The following ELF1 variants were observed in gnomAD, a reference collection of about 807,000 sequenced individuals.
The protein encoded by ELF1 is ETS-related transcription factor Elf-1.
ELF1 carries 24 observed loss-of-function variants against 59.9 expected under a neutral mutation model. The ratio of observed to expected loss-of-function variants is 0.40; its 90% CI spans 0.29 to 0.56. ELF1 has a LOEUF of 0.56. Among genes scored for constraint, ELF1 ranks in the 20% least tolerant of loss-of-function variants. The probability of loss-of-function intolerance (pLI) is 0.44; values close to 1 mark genes in which losing one functional copy is unlikely to be tolerated. For synonymous variants in ELF1, 248 were observed against 266.2 expected, an observed-to-expected ratio of 0.93 and a Z score of 0.67; for missense variants, 627 against 742.2, an observed-to-expected ratio of 0.84 and a Z score of 1.80.
At position 40,941,279 on chromosome 13, in the gene ELF1, T is replaced by C. The variant is rs2138127757; in HGVS notation, c.898A>G (p.Asn300Asp). The change falls in exon 8 of 9, where the codon AAT becomes GAT. Residue 300 changes from asparagine (N) to aspartate (D), a missense_variant. Physicochemically the swap from Asn to Asp is conservative, Grantham distance 23. Coordinates refer to ENST00000239882, the MANE Select transcript of ELF1 (RefSeq NM_172373.4). ...KEMPKDLIYI[N>D]DEDPSSSIES... ...ATGCTGGAACTTGGATCCTCATCAT[T>C]TATATATATAAGATCTTTTGGCATT... The C allele has an allele frequency of 6.2e-7, 1 of 1,614,136 alleles. No individual in the cohort carries two copies. Among genetic ancestry groups the C allele is most frequent in the African/African-American group, 1.3e-5 (1 of 75,042 alleles).
rs192910285 is a variant in ELF1, at chr13:40,971,426, T to C, written c.72+10557A>G. Reference sequence around the variant, plus strand: ...GCAGGCACCACAACACCCAGCTATTTTTTTAATAGAAACGGGGTCTCCCTA... The same window carrying C: ...GCAGGCACCACAACACCCAGCTATTCTTTTAATAGAAACGGGGTCTCCCTA... On this transcript the variant is annotated intron_variant, in intron 2 of 8. Coordinates refer to ENST00000239882, the MANE Select transcript of ELF1 (RefSeq NM_172373.4). 5.7e-3 allele frequency among the ~76,000 whole-genome samples: 864 copies of C among 152,244 alleles called. 8 individuals are homozygous for C. Among genetic ancestry groups the C allele is most frequent in the South Asian group, 0.013 (64 of 4,818 alleles).
Position 40,954,454 on chromosome 13 carries a change from G to A in ELF1, c.254-3018C>T, listed in dbSNP as rs1566169974. Among the ~76,000 whole-genome samples, 3 of 134,442 alleles carry A rather than the reference G, an allele frequency of 2.2e-5. No individual in the cohort carries two copies. The South Asian group carries it at 7.4e-4, about 33-fold the overall frequency. The allele number at this position is 134,442 out of a possible 152,430, so 88.2% of individuals were successfully genotyped here. On this transcript the variant is annotated intron_variant, in intron 3 of 8. Transcript: ENST00000239882. ...CTCCCCACGGTCTCCCTCTCCCCAC[G>A]GTCTCCCTCTCCCTCTCTTTCCACG...
At chr13:41,037,127 A>T (rs1403422502) in intron 1 of ELF1, among the ~76,000 whole-genome samples, 1 of 151,810 alleles carries the variant, frequency 6.6e-6, no homozygotes, top group Non-Finnish European at 1.5e-5. Context: ...ATATTAAAAA[A>T]AACCTTAAAA....
intron 1 of ELF1, among the ~76,000 whole-genome samples, chr13:41,004,036 A>G (rs1430532507): frequency 6.6e-6 from 1 of 152,142 alleles, no homozygotes; most frequent in East Asian, 1.9e-4. Flanking sequence ...AAGAAAATAA[A>G]TATCAGGCAT....
chr13:40,980,680 T>A (rs1003688965), intron 2 of ELF1, among the ~76,000 whole-genome samples: 10 of 152,174 alleles, frequency 6.6e-5, no homozygotes, highest in African/African-American at 2.2e-4. Flanking sequence ...CCTCACCACA[T>A]CAAGCCTAGC....
intron 2 of ELF1, among the ~76,000 whole-genome samples, chr13:40,974,566 G>C (rs1872787746): frequency 6.6e-6 from 1 of 152,064 alleles, no homozygotes; most frequent in Non-Finnish European, 1.5e-5. Context: ...ACAGTGCATG[G>C]GGCAAGATGC....
chr13:41,039,184 G>A (rs1663129163), intron 1 of ELF1, among the ~76,000 whole-genome samples: 2 of 151,822 alleles, frequency 1.3e-5, no homozygotes, highest in South Asian at 4.2e-4. Context: ...TGGATCGCTT[G>A]AGCCCAAGAG....
chr13:40,990,818 C>T (rs1159304555), intron 1 of ELF1, among the ~76,000 whole-genome samples: 1 of 143,696 alleles, frequency 7.0e-6, no homozygotes, highest in African/African-American at 2.6e-5. Flanking sequence ...CACCACTGCA[C>T]TCCAGCCTGG....
intron 1 of ELF1, among the ~76,000 whole-genome samples, chr13:41,045,913 GAGTCTA>G (rs1483529200): frequency 2.0e-5 from 3 of 152,116 alleles, no homozygotes; most frequent in Admixed American, 2.0e-4. Flanking sequence ...TATTGTGTGG[GAGTCTA>G]AGTCTCTCTA....
chr13:40,935,642 T>G (rs1451434888), intron 8 of ELF1, among the ~76,000 whole-genome samples: 2 of 151,392 alleles, frequency 1.3e-5, no homozygotes, highest in Non-Finnish European at 2.9e-5. Context: ...GATGGGAGCC[T>G]GGGTACAGTA....
Position 40,949,966 on chromosome 13 carries a change from A to G in ELF1, c.369T>C (p.Asn123=), listed in dbSNP as rs1269192578. The change falls in exon 5 of 9, where the codon AAT becomes AAC. Residue 123 remains asparagine, a synonymous_variant. Coordinates refer to ENST00000239882, the MANE Select transcript of ELF1 (RefSeq NM_172373.4). ...PMLDEKRINN[N]IFSSPEDDMV... ...TGTCATCTTCAGGTGAACTAAATAT[A>G]TTATTATCTAATGAAAATAAAATCA... 1.2e-6 allele frequency: 2 copies of G among 1,607,032 alleles called. No individual in the cohort carries two copies. The highest frequency in any genetic ancestry group is 1.1e-5 in the South Asian group (1 of 89,216).
chr13:41,017,740 C>A (rs1188796464), intron 1 of ELF1, among the ~76,000 whole-genome samples: 1 of 151,702 alleles, frequency 6.6e-6, no homozygotes, highest in Admixed American at 6.6e-5. Flanking sequence ...TTAATTATGC[C>A]GCTTATTTGT....
At chr13:40,978,303 G>C (rs758599802) in intron 2 of ELF1, among the ~76,000 whole-genome samples, 5 of 151,842 alleles carry the variant, frequency 3.3e-5, no homozygotes, top group Non-Finnish European at 5.9e-5. Context: ...GCTTGAACCT[G>C]GGAGGTGGAG....
intron 5 of ELF1, among the ~76,000 whole-genome samples, chr13:40,945,890 C>A (rs1213008244): frequency 6.6e-6 from 1 of 152,178 alleles, no homozygotes; most frequent in Non-Finnish European, 1.5e-5. Flanking sequence ...GTCGCTCAGG[C>A]TGGAATGCAA....
At chr13:40,938,725 A>C (rs1869945373) in intron 8 of ELF1, among the ~76,000 whole-genome samples, 2 of 152,052 alleles carry the variant, frequency 1.3e-5, no homozygotes, top group South Asian at 4.1e-4. Flanking sequence ...AATTTATCTA[A>C]TTATATATAT....
chr13:41,046,917 T>C (rs552231914), intron 1 of ELF1, among the ~76,000 whole-genome samples: 207 of 152,366 alleles, frequency 1.4e-3, no homozygotes, highest in African/African-American at 4.7e-3. Flanking sequence ...CACTTTCAGG[T>C]ACACCAATGA....
At chr13:41,015,291 A>C (rs1875293558) in intron 1 of ELF1, among the ~76,000 whole-genome samples, 2 of 152,150 alleles carry the variant, frequency 1.3e-5, no homozygotes, top group African/African-American at 4.8e-5. Context: ...GATCAGAGAA[A>C]AGGAAAGACG....
chr13:40,939,782 G>A (rs1352308492), intron 8 of ELF1, among the ~76,000 whole-genome samples: 2 of 152,154 alleles, frequency 1.3e-5, no homozygotes, highest in South Asian at 4.1e-4. Context: ...TAAGTATAAT[G>A]CAACGATTCA....
chr13:40,975,323 A>G (rs1387126531), intron 2 of ELF1, among the ~76,000 whole-genome samples: 3 of 152,190 alleles, frequency 2.0e-5, no homozygotes, highest in Non-Finnish European at 4.4e-5. Context: ...ATCCTCTTAC[A>G]TACAGGAAAT....
Sources: gnomAD v4.1 joint callset for allele counts (sites outside exome capture counted in the v4.1 genomes callset) on GRCh38, gnomAD v4.1.1 for gene constraint, MANE v1.5 for transcripts, NCBI Gene and HGNC (gene_info 2026-07-23, HGNC 2026-07-21) for gene names.